The following WASF3 variants were observed in gnomAD, a reference collection of about 807,000 sequenced individuals.
WASF3 encodes the protein WASP family member 3.
Under a neutral mutation model 46.6 loss-of-function variants are expected in WASF3, and 11 were observed. That is an observed-to-expected ratio of 0.24 (90% CI 0.15 to 0.39). WASF3 has a LOEUF of 0.39. Ranked by LOEUF, WASF3 falls within the 10% of genes least tolerant of loss-of-function variation. The probability of loss-of-function intolerance (pLI) is 1.00; values close to 1 mark genes in which losing one functional copy is unlikely to be tolerated. For synonymous variants in WASF3, 242 were observed against 259.7 expected (o/e 0.93, Z 0.65); for missense variants, 576 against 669.8 (o/e 0.86, Z 1.55).
At chr13:26,623,060 A>G (rs1881356591) in intron 2 of WASF3, among the ~76,000 whole-genome samples, 1 of 152,204 alleles carries the variant, frequency 6.6e-6, no homozygotes. Context: ...GCACAGGGGG[A>G]ACAGGTAACC....
chr13:26,669,156 ATG>A lies in WASF3; in HGVS notation c.422+1500_422+1501del, dbSNP rs967442762. On this transcript the variant is annotated intron_variant, in intron 5 of 9. Transcript: ENST00000335327. ...AAACTGATTTGACTTTCACATATAT[ATG>A]TGTGTGTGTGTGTATTCAGTCTTAT... is the stretch of plus-strand genomic sequence containing the variant. Among the ~76,000 whole-genome samples the A allele has an allele frequency of 1.7e-4, 25 of 147,092 alleles. 1 individual carries two copies. The highest frequency in any genetic ancestry group is 5.4e-4 in the Admixed American group (8 of 14,750).
rs9512331 is a variant in WASF3, at chr13:26,687,420, G to A, written c.*1575G>A. Reference sequence around the variant, plus strand: ...GCATCTGAGCAAGTCAGCCAGCCCCGAAGTCCCCTCAGTGTGTGTGTCTCG... The same window carrying A: ...GCATCTGAGCAAGTCAGCCAGCCCCAAAGTCCCCTCAGTGTGTGTGTCTCG... On this transcript the variant is annotated 3_prime_UTR_variant, in exon 10 of 10. Transcript: ENST00000335327. 0.17 allele frequency: 25,966 copies of A among 152,168 alleles called. 2,547 individuals are homozygous for A. The highest frequency in any genetic ancestry group is 0.26 in the South Asian group (1,262 of 4,804). 9.4% of individuals were successfully genotyped at this position (152,168 alleles called of 1,614,324 possible).
At chr13:26,590,371 A>G (rs113371437) in intron 1 of WASF3, among the ~76,000 whole-genome samples, 4,924 of 152,296 alleles carry the variant, frequency 0.032, 112 homozygotes, top group Non-Finnish European at 0.049. Flanking sequence ...AATAGTTTTG[A>G]ATTTTGACCT....
chr13:26,635,905 CT>C (rs1881803292), intron 2 of WASF3, among the ~76,000 whole-genome samples: 1 of 152,210 alleles, frequency 6.6e-6, no homozygotes, highest in Non-Finnish European at 1.5e-5. Flanking sequence ...GGGCATCCGC[CT>C]GTATGAGGTG....
Position 26,688,153 on chromosome 13 carries a change from T to C in WASF3, c.*2308T>C, listed in dbSNP as rs1883468011. ...ACTGAAATCCAATTTAGATTATTTT[T>C]AGAGTATTTTTCCAGCAAATTCAAT... On this transcript the variant is annotated 3_prime_UTR_variant, in exon 10 of 10. Transcript: ENST00000335327. The C allele has an allele frequency of 6.6e-6, 1 of 152,206 alleles. No homozygotes were observed. Among genetic ancestry groups the C allele is most frequent in the Non-Finnish European group, 1.5e-5 (1 of 68,036 alleles). 9.4% of individuals were successfully genotyped at this position (152,206 alleles called of 1,614,324 possible).
At chr13:26,609,231 G>A (rs150084496) in intron 1 of WASF3, among the ~76,000 whole-genome samples, 486 of 152,228 alleles carry the variant, frequency 3.2e-3, no homozygotes, top group Non-Finnish European at 5.1e-3. Context: ...ATTAAAGGGC[G>A]TATTACTAGG....
At chr13:26,619,293 G>A (rs1366055469) in intron 2 of WASF3, among the ~76,000 whole-genome samples, 1 of 152,192 alleles carries the variant, frequency 6.6e-6, no homozygotes, top group African/African-American at 2.4e-5. Flanking sequence ...CCAAATCAAG[G>A]AAATGGAGAT....
At chr13:26,571,681 C>G (rs1879642257) in intron 1 of WASF3, among the ~76,000 whole-genome samples, 1 of 152,192 alleles carries the variant, frequency 6.6e-6, no homozygotes, top group African/African-American at 2.4e-5. Flanking sequence ...CTTAGCTCCT[C>G]CCTTGCACAT....
At chr13:26,665,209 A>T in intron 4 of WASF3, 47 bp downstream of exon 4, 1 of 1,597,278 alleles carries the variant, frequency 6.3e-7, no homozygotes, top group Admixed American at 1.7e-5. Flanking sequence ...TGTTGACAAG[A>T]TGGTAGTAAT....
the WASF3 span, among the ~76,000 whole-genome samples, chr13:26,542,604 T>G: frequency 6.6e-6 from 1 of 152,348 alleles, no homozygotes; most frequent in East Asian, 1.9e-4. Flanking sequence ...ATCTTAATTG[T>G]AGTACTGCAT....
At chr13:26,655,240 A>G (rs1175154461) in intron 3 of WASF3, among the ~76,000 whole-genome samples, 1 of 152,100 alleles carries the variant, frequency 6.6e-6, no homozygotes, top group Non-Finnish European at 1.5e-5. Flanking sequence ...TGACCTTGAC[A>G]CTTTTATGAC....
intron 1 of WASF3, among the ~76,000 whole-genome samples, chr13:26,563,163 T>C (rs951844045): frequency 1.3e-5 from 2 of 151,850 alleles, no homozygotes; most frequent in Non-Finnish European, 2.9e-5. Flanking sequence ...CAGTGTTTTT[T>C]CTGCTACTTA....
chr13:26,659,983 T>C (rs567734435), intron 3 of WASF3, among the ~76,000 whole-genome samples: 1 of 152,128 alleles, frequency 6.6e-6, no homozygotes, highest in Admixed American at 6.5e-5. Flanking sequence ...CATCTGGAGG[T>C]AGAAATTTAG....
the WASF3 span, among the ~76,000 whole-genome samples, chr13:26,541,348 C>T: frequency 6.6e-6 from 1 of 152,166 alleles, no homozygotes; most frequent in Non-Finnish European, 1.5e-5. Context: ...TCCAGCCTGC[C>T]ACTTAATAGC....
chr13:26,662,525 T>G (rs1224156997), intron 3 of WASF3, among the ~76,000 whole-genome samples: 3 of 152,180 alleles, frequency 2.0e-5, no homozygotes, highest in Non-Finnish European at 4.4e-5. Flanking sequence ...AGGCCATTAT[T>G]GTAAGAGAAT....
In WASF3 at chr13:26,682,475, A is replaced by G. The variant is rs1386637523; in HGVS notation, c.984-132A>G. Reference sequence around the variant, plus strand: ...ACTGACCCAAGGTGTGCATGTTTGCATCCTGCCATGATTGAAGTTCAGGTG... The same window carrying G: ...ACTGACCCAAGGTGTGCATGTTTGCGTCCTGCCATGATTGAAGTTCAGGTG... On this transcript the variant is annotated intron_variant, in intron 8 of 9. Coordinates refer to ENST00000335327, the MANE Select transcript of WASF3 (RefSeq NM_006646.6). This position sits in a 1 kb window ranked among gnomAD's most constrained non-coding sequence, Gnocchi z 4.4. The G allele has an allele frequency of 9.4e-7, 1 of 1,062,774 alleles. No homozygotes were observed. The highest frequency in any genetic ancestry group is 1.6e-5 in the African/African-American group (1 of 62,638). The allele number at this position is 1,062,774 out of a possible 1,614,324, so 65.8% of individuals were successfully genotyped here. A position where few individuals can be genotyped will look rare whatever the true frequency, so the allele number is the denominator to read the frequency against.
chr13:26,676,459 C>A, intron 6 of WASF3, 90 bp from the exon 7 acceptor site: 1 of 1,404,010 alleles, frequency 7.1e-7, no homozygotes. Flanking sequence ...GTTCATCAGG[C>A]ATGGGCCTTG....
intron 5 of WASF3, among the ~76,000 whole-genome samples, chr13:26,669,445 T>G (rs1352822914): frequency 1.3e-5 from 2 of 152,106 alleles, no homozygotes; most frequent in African/African-American, 4.8e-5. Flanking sequence ...AATTTTCACA[T>G]TTGAACTTAA....
At chr13:26,619,453 T>G (rs1881236247) in intron 2 of WASF3, 1 of 152,208 alleles carries the variant, frequency 6.6e-6, no homozygotes, top group South Asian at 2.1e-4. Context: ...GGAATTTGAC[T>G]TACCAGATGT....
Sources: allele counts gnomAD v4.1 joint callset (sites outside exome capture counted in the v4.1 genomes callset), GRCh38; gene constraint gnomAD v4.1.1; non-coding constraint Gnocchi (gnomAD v3.1); transcripts MANE v1.5; gene names NCBI Gene and HGNC (gene_info 2026-07-23, HGNC 2026-07-21).